The following ESPL1 variants were observed in gnomAD, a reference collection of about 807,000 sequenced individuals.
ESPL1 encodes extra spindle pole bodies like 1, separase.
ESPL1 carries 50 observed loss-of-function variants against 217.2 expected under a neutral mutation model. The ratio of observed to expected loss-of-function variants is 0.23; its 90% CI spans 0.18 to 0.29. The LOEUF is 0.29. Ranked by LOEUF, ESPL1 falls within the 10% of genes least tolerant of loss-of-function variation. The pLI, the probability that ESPL1 is intolerant of heterozygous loss-of-function variation, is 1.00. For missense variants in ESPL1, 1,834 were observed against 2,603.0 expected (o/e 0.70, Z 6.43); for synonymous variants, 994 against 1,081.3 (o/e 0.92, Z 1.58).
chr12:53,284,628 GGTCT>G (rs753914163), intron 17 of ESPL1, among the ~76,000 whole-genome samples: 3 of 151,858 alleles, frequency 2.0e-5, no homozygotes, highest in Non-Finnish European at 2.9e-5. Flanking sequence ...TCCAACCATT[GGTCT>G]CCCTCTTTCA....
chr12:53,268,635 T>G, intron 1 of ESPL1, 120 bp from the exon 2 acceptor site: 1 of 633,478 alleles, frequency 1.6e-6, no homozygotes, highest in Non-Finnish European at 2.7e-6. Context: ...CTGGCGTGGG[T>G]TTTCTCCCCG....
rs1943771077 is a variant in ESPL1 at position 53,276,726 on chromosome 12, C to T, written c.1807C>T (p.Arg603Cys). The change falls in exon 8 of 31, where the codon CGC (arginine) becomes TGC (cysteine). Residue 603 changes from arginine to cysteine, a missense_variant. Transcript: ENST00000257934. ...GGTGCGGGCCGACACTGGACAGGAACGCTTCAACATCATCTGTGACCTCCT... is the reference window on the plus strand; with the variant it reads ...GGTGCGGGCCGACACTGGACAGGAATGCTTCAACATCATCTGTGACCTCCT... ...KAVRADTGQE[R>C]FNIICDLLEL... is the part of the protein sequence containing the mutation. 3 of 1,613,486 alleles carry T rather than the reference C, an allele frequency of 1.9e-6. No homozygotes were observed. Among genetic ancestry groups the T allele is most frequent in the South Asian group, 1.1e-5 (1 of 91,084 alleles).
intron 11 of ESPL1, among the ~76,000 whole-genome samples, chr12:53,278,486 A>AT (rs1943808613): frequency 9.5e-5 from 1 of 10,476 alleles, no homozygotes. Flanking sequence ...ACGCTATTTC[A>AT]TTAAAAAAAA....
chr12:53,285,005 T>G (rs1471215375), intron 17 of ESPL1, among the ~76,000 whole-genome samples: 1 of 54,596 alleles, frequency 1.8e-5, no homozygotes, highest in Non-Finnish European at 3.8e-5. Flanking sequence ...TGCGAGACTC[T>G]GACTCAAAAA....
At position 53,286,559 on chromosome 12, in the gene ESPL1, A is replaced by T. The variant is rs1489513368; in HGVS notation, c.3823A>T (p.Thr1275Ser). 2.5e-6 allele frequency: 4 copies of T among 1,614,160 alleles called. No individual in the cohort carries two copies. Among genetic ancestry groups the T allele is most frequent in the Non-Finnish European group, 3.4e-6 (4 of 1,180,028 alleles). The change falls in exon 18 of 31, where the codon ACA (threonine) becomes TCA (serine). Residue 1275 changes from threonine (T) to serine (S), a missense_variant. Physicochemically the swap from Thr to Ser is moderately conservative, Grantham distance 58 (BLOSUM62 1). This residue lies in a region of ESPL1 where 681 missense variants were observed against 808.0 expected (regional missense o/e 0.84). Transcript: ENST00000257934. This position sits in a 1 kb window ranked among gnomAD's most constrained non-coding sequence, Gnocchi z 5.3. ...RASLLLIWAL[T>S]KLGGLSCCTT... ...CAGCCTGCTCTTGATTTGGGCCCTC[A>T]CAAAACTAGGTGGCCTCAGCTGCTG... is the stretch of plus-strand genomic sequence containing the variant.
Position 53,282,255 on chromosome 12 carries a change from C to T in ESPL1, c.2620-9C>T, listed in dbSNP as rs753203501. ...CTTACTGCCTCCTCTGGCTCCTTCT[C>T]TCCTTCAGGTGACCAAGGGTGTCTC... On this transcript the variant is annotated splice_polypyrimidine_tract_variant and intron_variant, in intron 13 of 30. Transcript: ENST00000257934. This position sits in a 1 kb window ranked among gnomAD's most constrained non-coding sequence, Gnocchi z 4.0. 1.9e-6 allele frequency: 3 copies of T among 1,613,402 alleles called. No individual in the cohort carries two copies. The highest frequency in any genetic ancestry group is 2.2e-5 in the South Asian group (2 of 91,058).
Position 53,288,582 on chromosome 12 carries a change from T to C in ESPL1, c.4591T>C (p.Trp1531Arg). Residue 1531 changes from tryptophan to arginine, a missense_variant, in exon 20 of 31, where the codon TGG (tryptophan) becomes CGG (arginine). Trp to Arg is a moderately radical substitution (Grantham distance 101, BLOSUM62 -3). Transcript: ENST00000257934. ...APGPEAASGEWELLRLDSSKK... is the reference protein window; with the variant it reads ...APGPEAASGERELLRLDSSKK... ...GGGCCCTGAGGCAGCTTCTGGAGAA[T>C]GGGAGCTGCTGAGGCTGGATTCCAG... The C allele has an allele frequency of 6.2e-7, 1 of 1,613,702 alleles. No individual in the cohort carries two copies. Among genetic ancestry groups the C allele is most frequent in the Non-Finnish European group, 8.5e-7 (1 of 1,179,970 alleles).
intron 7 of ESPL1, among the ~76,000 whole-genome samples, chr12:53,275,719 T>C (rs1259918677): frequency 2.0e-5 from 3 of 151,080 alleles, no homozygotes; most frequent in African/African-American, 7.3e-5. Flanking sequence ...GCATTTTGTG[T>C]CTGTTCCTTT....
Position 53,290,457 on chromosome 12 carries a change from C to T in ESPL1, c.5352C>T (p.Asp1784=), listed in dbSNP as rs775649311. 14 of 1,612,662 alleles carry T rather than the reference C, an allele frequency of 8.7e-6. No homozygotes were observed. Among genetic ancestry groups the T allele is most frequent in the South Asian group, 6.6e-5 (6 of 90,662 alleles). ...REWWTGRLAL[D]HRMEVLIASL... ...GGTGGACAGGGCGGCTGGCACTGGACCACAGGATGGAGGTGTGTGCTTCTG... is the reference window on the plus strand; with the variant it reads ...GGTGGACAGGGCGGCTGGCACTGGATCACAGGATGGAGGTGTGTGCTTCTG... Residue 1784 remains aspartate, a synonymous_variant, in exon 24 of 31, where the codon GAC becomes GAT. Coordinates refer to ENST00000257934, the MANE Select transcript of ESPL1 (RefSeq NM_012291.5).
At chr12:53,275,926 T>C (rs530563765) in intron 7 of ESPL1, among the ~76,000 whole-genome samples, 1 of 152,284 alleles carries the variant, frequency 6.6e-6, no homozygotes, top group East Asian at 1.9e-4. Context: ...CAACTTGAGG[T>C]GGGTTATTTA....
At position 53,291,386 on chromosome 12, in the gene ESPL1, G is replaced by A. The variant is rs377058691; in HGVS notation, c.5521-304G>A. Reference sequence around the variant, plus strand: ...GGCAGGTGGGTCACAAGGTCAAGAGGTGAAGACCATCCTGGCCAACAGGGT... The same window carrying A: ...GGCAGGTGGGTCACAAGGTCAAGAGATGAAGACCATCCTGGCCAACAGGGT... On this transcript the variant is annotated intron_variant, in intron 25 of 30. Coordinates refer to ENST00000257934, the MANE Select transcript of ESPL1 (RefSeq NM_012291.5). Among the ~76,000 whole-genome samples the A allele has an allele frequency of 2.2e-4, 34 of 151,758 alleles. No individual in the cohort carries two copies. In the East Asian group the frequency reaches 5.0e-3, roughly 23 times the overall value.
intron 11 of ESPL1, 92 bp from the exon 12 acceptor site, chr12:53,279,640 T>A: frequency 6.6e-7 from 1 of 1,519,212 alleles, no homozygotes; most frequent in Non-Finnish European, 9.0e-7. Context: ...GAGGTCAAAC[T>A]ACAGTCCAAG....
At chr12:53,277,055 C>T (rs1343598090) in intron 8 of ESPL1, 28 bp from the exon 9 acceptor site, 2 of 1,604,636 alleles carry the variant, frequency 1.2e-6, no homozygotes. Context: ...CATAGTAGGC[C>T]CAGCTTAAGC....
At chr12:53,291,358 C>T (rs1003286576) in intron 25 of ESPL1, among the ~76,000 whole-genome samples, 12 of 150,432 alleles carry the variant, frequency 8.0e-5, no homozygotes, top group African/African-American at 2.5e-4. Context: ...TTTGGGAGGC[C>T]GAGGCAGGTG....
rs1592486234 is a variant in ESPL1 at position 53,279,878 on chromosome 12, A to C, written c.2499+12A>C. 3 of 1,571,514 alleles carry C rather than the reference A, an allele frequency of 1.9e-6. No individual in the cohort carries two copies. Among genetic ancestry groups the C allele is most frequent in the Non-Finnish European group, 2.6e-6 (3 of 1,157,346 alleles). On this transcript the variant is annotated intron_variant, in intron 12 of 30. Transcript: ENST00000257934. ...CCAGCTATGCCCAGGTGAGTGCCCA[A>C]CCAGCCTAGTCTGGGGACTGCAGGG...
At position 53,269,721 on chromosome 12, in the gene ESPL1, G is replaced by A. The variant is rs761300540; in HGVS notation, c.779G>A (p.Arg260His). Residue 260 changes from arginine (R) to histidine (H), a missense_variant, in exon 3 of 31, where the codon CGT becomes CAT. Transcript: ENST00000257934. The surrounding 1 kb of genome is among the most constrained non-coding windows in gnomAD (Gnocchi z 6.7). ...CLLELTLEHC[R>H]RFCWSRHHDK... ...TTGGAGCTCACCTTGGAACACTGCC[G>A]TCGCTTTTGCTGGAGCCGCCACCAT... The A allele has an allele frequency of 1.9e-5, 30 of 1,614,054 alleles. No homozygotes were observed. The East Asian group carries it at 3.6e-4, about 19-fold the overall frequency.
In ESPL1 at chr12:53,277,518, T is replaced by G; in HGVS notation, c.2134T>G (p.Phe712Val). The G allele has an allele frequency of 6.2e-7, 1 of 1,614,180 alleles. No individual in the cohort carries two copies. The stretch of plus-strand genomic sequence containing the variant: ...CCAGGCCCCTGGTAACTTGGAGGAA[T>G]TTGAAGTCAATGACCTGAACTATGA... ...RAQAPGNLEE[F>V]EVNDLNYEDK... is the part of the protein sequence containing the mutation. Residue 712 changes from phenylalanine to valine, a missense_variant, in exon 10 of 31, where the codon TTT becomes GTT. Physicochemically the swap from Phe to Val is conservative, Grantham distance 50. Transcript: ENST00000257934.
At position 53,282,644 on chromosome 12, in the gene ESPL1, G is replaced by A. The variant is rs949140065; in HGVS notation, c.2791+209G>A. ...ACTGCCTGGAATACTAGGCTGAAAG[G>A]ATTTTTTTTTCTTTTCTTTTTTTTC... On this transcript the variant is annotated intron_variant, in intron 14 of 30. Coordinates refer to ENST00000257934, the MANE Select transcript of ESPL1 (RefSeq NM_012291.5). This position sits in a 1 kb window ranked among gnomAD's most constrained non-coding sequence, Gnocchi z 4.0. Among the ~76,000 whole-genome samples, 1 of 151,758 alleles carries A rather than the reference G, an allele frequency of 6.6e-6. No individual in the cohort carries two copies. The highest frequency in any genetic ancestry group is 2.4e-5 in the African/African-American group (1 of 41,372).
chr12:53,276,916 C>A, intron 8 of ESPL1, 57 bp downstream of exon 8: 1 of 1,586,464 alleles, frequency 6.3e-7, no homozygotes, highest in South Asian at 1.2e-5. Flanking sequence ...TCCTCTCACC[C>A]TCTTGAGAAC....
Sources: gnomAD v4.1 joint callset for allele counts (sites outside exome capture counted in the v4.1 genomes callset) on GRCh38, gnomAD v4.1.1 for gene constraint, gnomAD v4.1.1 regional missense constraint, Gnocchi (gnomAD v3.1) non-coding constraint, MANE v1.5 for transcripts, NCBI Gene and HGNC (gene_info 2026-07-23, HGNC 2026-07-21) for gene names.